The following JUP variants were observed in gnomAD, a reference collection of about 807,000 sequenced individuals.
JUP encodes the protein junction plakoglobin.
Under a neutral mutation model 71.1 loss-of-function variants are expected in JUP, and 28 were observed. The ratio of observed to expected loss-of-function variants is 0.39; its 90% CI spans 0.29 to 0.54. The LOEUF is 0.54. Ranked by LOEUF, JUP falls within the 20% of genes least tolerant of loss-of-function variation. JUP has a pLI of 0.62. For missense variants in JUP, 869 were observed against 1,030.1 expected, an observed-to-expected ratio of 0.84 and a Z score of 2.14; for synonymous variants, 401 against 438.9, an observed-to-expected ratio of 0.91 and a Z score of 1.08.
intron 4 of JUP, 42 bp downstream of exon 4, chr17:41,768,926 TG>T (rs781937868): frequency 3.9e-5 from 57 of 1,454,466 alleles, no homozygotes; most frequent in Non-Finnish European, 5.3e-5. Flanking sequence ...GAGGCCCAAG[TG>T]AGAGGGGGTC....
chr17:41,759,597 A>G (rs1234570728), intron 8 of JUP, among the ~76,000 whole-genome samples: 2 of 152,064 alleles, frequency 1.3e-5, no homozygotes, highest in African/African-American at 2.4e-5. Context: ...TCACATTGTC[A>G]TTAATCCCCA....
chr17:41,754,739 G>T lies in JUP; in HGVS notation c.*1005C>A, dbSNP rs1442473024. The T allele has an allele frequency of 6.5e-6, 1 of 152,892 alleles. No homozygotes were observed. Among genetic ancestry groups the T allele is most frequent in the Non-Finnish European group, 1.5e-5 (1 of 68,280 alleles). 9.5% of individuals were successfully genotyped at this position (152,892 alleles called of 1,614,324 possible). A position where few individuals can be genotyped will look rare whatever the true frequency, so the allele number is the denominator to read the frequency against. On this transcript the variant is annotated 3_prime_UTR_variant, in exon 14 of 14. Transcript: ENST00000393931. ...CCCCCACACCATGTGCGGGAAATGGGGGGGTCTGAAACAGGAAGGGGAAGA... is the reference window on the plus strand; with the variant it reads ...CCCCCACACCATGTGCGGGAAATGGTGGGGTCTGAAACAGGAAGGGGAAGA...
At chr17:41,775,008 C>T (rs1015991515) in intron 1 of JUP, among the ~76,000 whole-genome samples, 2 of 151,278 alleles carry the variant, frequency 1.3e-5, no homozygotes, top group African/African-American at 2.4e-5. Context: ...GAGGCTGGGG[C>T]GGGAGAATTG....
intron 1 of JUP, among the ~76,000 whole-genome samples, chr17:41,785,635 G>C (rs1567838610): frequency 1.3e-5 from 2 of 152,214 alleles, no homozygotes; most frequent in Admixed American, 6.5e-5. Flanking sequence ...AAGGAGACGG[G>C]AAAACCCCCA....
chr17:41,778,130 C>T (rs781954597), intron 1 of JUP, among the ~76,000 whole-genome samples: 1 of 152,198 alleles, frequency 6.6e-6, no homozygotes, highest in South Asian at 2.1e-4. Context: ...ACAGCAGCTC[C>T]GATCCCAGCT....
At position 41,763,341 on chromosome 17, in the gene JUP, C is replaced by A; in HGVS notation, c.1159-20G>T. 6.3e-7 allele frequency: 1 copy of A among 1,598,174 alleles called. No homozygotes were observed. Among genetic ancestry groups the A allele is most frequent in the East Asian group, 2.2e-5 (1 of 44,812 alleles). On this transcript the variant is annotated intron_variant, in intron 7 of 13. Coordinates refer to ENST00000393931, the MANE Select transcript of JUP (RefSeq NM_002230.4). ...GCCCTCCTGGAGGGCAAGGAAGGGA[C>A]GGGGGAGTCAGGGAGCAGCCAACTC...
At chr17:41,771,325 C>T (rs1257098747) in intron 2 of JUP, 8 of 409,162 alleles carry the variant, frequency 2.0e-5, no homozygotes, top group South Asian at 1.7e-4. Context: ...AGCCACCGTA[C>T]CCAATGTCTT....
chr17:41,767,335 G>T (rs539820510), intron 5 of JUP, 44 bp downstream of exon 5: 6 of 1,548,624 alleles, frequency 3.9e-6, no homozygotes, highest in Non-Finnish European at 5.3e-6. Flanking sequence ...AGAAGATGGC[G>T]CAAGGGTGGG....
At chr17:41,781,944 T>G (rs1243487196) in intron 1 of JUP, among the ~76,000 whole-genome samples, 1 of 152,202 alleles carries the variant, frequency 6.6e-6, no homozygotes, top group African/African-American at 2.4e-5. Context: ...CTCTTTGTAG[T>G]AGTCAGTGGG....
chr17:41,767,592 G>T lies in JUP; in HGVS notation c.708-12C>A. 2 of 1,569,260 alleles carry T rather than the reference G, an allele frequency of 1.3e-6. No individual in the cohort carries two copies. The highest frequency in any genetic ancestry group is 1.1e-5 in the South Asian group (1 of 90,200). ...ACTCCACAGGGGAGCTGGGGGGGTG[G>T]GCAGGGGTTAGTACGCTGAGGTCCC... On this transcript the variant is annotated splice_polypyrimidine_tract_variant and intron_variant, in intron 4 of 13. Transcript: ENST00000393931.
chr17:41,762,059 T>C (rs1012139254), intron 8 of JUP, among the ~76,000 whole-genome samples: 1 of 148,642 alleles, frequency 6.7e-6, no homozygotes, highest in Non-Finnish European at 1.5e-5. Context: ...ATAGACATTG[T>C]CTCAAAACAA....
Position 41,773,507 on chromosome 17 carries a change from G to A in JUP, c.-8-1645C>T, listed in dbSNP as rs1413277135. Among the ~76,000 whole-genome samples, 5 of 152,204 alleles carry A rather than the reference G, an allele frequency of 3.3e-5. No individual in the cohort carries two copies. The South Asian group carries it at 6.2e-4, about 19-fold the overall frequency. ...AGCAGTCCCGCCACCTCAGACGGCA[G>A]ACCCCAGACGACAGGCTCGGGCCGC... is the stretch of plus-strand genomic sequence containing the variant. On this transcript the variant is annotated intron_variant, in intron 1 of 13. Transcript: ENST00000393931.
rs781905238 is a variant in JUP at position 41,769,105 on chromosome 17, G to T, written c.571C>A (p.Arg191Ser). Reference sequence around the variant, plus strand: ...AGGTCGCTGGTATTCTGCATGGTACGCACGACAGCGGCCACCAGCTGGGGC... The same window carrying T: ...AGGTCGCTGGTATTCTGCATGGTACTCACGACAGCGGCCACCAGCTGGGGC... ...GSPQLVAAVV[R>S]TMQNTSDLDT... The change falls in exon 4 of 14, where the codon CGT (arginine) becomes AGT (serine). Residue 191 changes from arginine to serine, a missense_variant. By Grantham distance (110) the Arg-to-Ser change is moderately radical. Transcript: ENST00000393931. The T allele has an allele frequency of 6.2e-7, 1 of 1,612,070 alleles. No individual in the cohort carries two copies.
intron 4 of JUP, among the ~76,000 whole-genome samples, chr17:41,768,225 C>T (rs1196431245): frequency 6.6e-6 from 1 of 152,144 alleles, no homozygotes; most frequent in African/African-American, 2.4e-5. Context: ...ATGGTGAAAC[C>T]CCATTTTTAC....
chr17:41,766,833 C>T (rs7213019), intron 5 of JUP, among the ~76,000 whole-genome samples: 110,325 of 148,598 alleles, frequency 0.74, 41,399 homozygotes, highest in Non-Finnish European at 0.82. Flanking sequence ...CCTGCCTGGG[C>T]GACAAAGTGA....
At position 41,765,010 on chromosome 17, in the gene JUP, T is replaced by C. The variant is rs781857323; in HGVS notation, c.967A>G (p.Ser323Gly). Residue 323 changes from serine (S) to glycine (G), a missense_variant, in exon 6 of 14, where the codon AGT becomes GGT. Coordinates refer to ENST00000393931, the MANE Select transcript of JUP (RefSeq NM_002230.4). ...GTGGTCCAGAGCAGCTTTTCATAAC[T>C]GTAGTTACGCATGATCTGCACGAGG... ...QALVQIMRNY[S>G]YEKLLWTTSR... The C allele has an allele frequency of 1.5e-5, 24 of 1,613,928 alleles. No homozygotes were observed. Among genetic ancestry groups the C allele is most frequent in the Non-Finnish European group, 1.9e-5 (22 of 1,179,988 alleles).
rs371161943 is a variant in JUP at position 41,775,765 on chromosome 17, C to T, written c.-8-3903G>A. Among the ~76,000 whole-genome samples the T allele has an allele frequency of 5.3e-5, 8 of 152,202 alleles. No homozygotes were observed. The East Asian group carries it at 1.5e-3, about 29-fold the overall frequency. On this transcript the variant is annotated intron_variant, in intron 1 of 13. Coordinates refer to ENST00000393931, the MANE Select transcript of JUP (RefSeq NM_002230.4). ...AGGACAGGAAGAAGGAAGACGGGCC[C>T]TGGAGAGGGGGTGCAGAGGACCCTT...
intron 1 of JUP, chr17:41,772,989 C>T: frequency 1.0e-6 from 1 of 985,550 alleles, no homozygotes; most frequent in Non-Finnish European, 1.2e-6. Context: ...CTTTCACAGA[C>T]ACCGTCATGC....
intron 4 of JUP, 75 bp from the exon 5 acceptor site, chr17:41,767,655 C>A: frequency 8.0e-7 from 1 of 1,249,224 alleles, no homozygotes; most frequent in East Asian, 2.5e-5. Context: ...CATGGGTTCC[C>A]ACCTCCCCCA....
Sources: gnomAD v4.1 joint callset for allele counts (sites outside exome capture counted in the v4.1 genomes callset) on GRCh38, gnomAD v4.1.1 for gene constraint, MANE v1.5 for transcripts, NCBI Gene and HGNC (gene_info 2026-07-23, HGNC 2026-07-21) for gene names.